Variants in CDH13 observed in about 807,000 individuals in gnomAD.
The protein encoded by CDH13 is cadherin 13.
In CDH13, 24 loss-of-function variants were observed where a neutral mutation model predicts 63.8. That is an observed-to-expected ratio of 0.38 (90% confidence interval 0.27 to 0.53). CDH13 has a LOEUF of 0.53. Ranked by LOEUF, CDH13 falls within the 20% of genes least tolerant of loss-of-function variation. The probability of loss-of-function intolerance (pLI) is 0.85; values close to 1 mark genes in which losing one functional copy is unlikely to be tolerated. For missense variants in CDH13, 1,049 were observed against 903.1 expected (o/e 1.16, Z -2.07); for synonymous variants, 503 against 355.3 (o/e 1.42, Z -4.67).
At chr16:83,028,310 A>G (rs1916003767) in intron 2 of CDH13, among the ~76,000 whole-genome samples, 1 of 152,266 alleles carries the variant, frequency 6.6e-6, no homozygotes, top group African/African-American at 2.4e-5. Context: ...TGGGCTACCA[A>G]CATGGTTAGA....
intron 7 of CDH13, among the ~76,000 whole-genome samples, chr16:83,509,534 T>C (rs900991710): frequency 5.9e-5 from 9 of 152,274 alleles, no homozygotes; most frequent in Non-Finnish European, 1.3e-4. Flanking sequence ...CAAAAGCAGA[T>C]GGTGGGCCAG....
At chr16:83,203,746 C>T (rs890428453) in intron 4 of CDH13, among the ~76,000 whole-genome samples, 2 of 151,738 alleles carry the variant, frequency 1.3e-5, no homozygotes, top group African/African-American at 2.4e-5. Context: ...TAACCTTTCC[C>T]TGGGAACAGT....
chr16:83,041,620 G>T (rs754557591), intron 3 of CDH13, among the ~76,000 whole-genome samples: 1 of 152,044 alleles, frequency 6.6e-6, no homozygotes, highest in Non-Finnish European at 1.5e-5. Flanking sequence ...GGAAAACCTG[G>T]AGCTAATTGC....
At chr16:83,415,588 C>T (rs1452119417) in intron 6 of CDH13, among the ~76,000 whole-genome samples, 2 of 152,090 alleles carry the variant, frequency 1.3e-5, no homozygotes, top group Non-Finnish European at 2.9e-5. Context: ...GCATGGGAGT[C>T]AGGAATTGTT....
In CDH13 at chr16:83,419,927, T is replaced by TA. The variant is rs60157875; in HGVS notation, c.782-66542dup. ...GAATCGTCCAATCTTTTTTTTTTTT[T>TA]AAAAAAAAGTTTTGTATGTATGTGT... is the stretch of plus-strand genomic sequence containing the variant. On this transcript the variant is annotated intron_variant, in intron 6 of 13. Coordinates refer to ENST00000567109, the MANE Select transcript of CDH13 (RefSeq NM_001257.5). Among the ~76,000 whole-genome samples the TA allele has an allele frequency of 3.3e-3, 486 of 148,030 alleles. 5 individuals are homozygous for TA. Among genetic ancestry groups the TA allele is most frequent in the South Asian group, 0.017 (78 of 4,620 alleles).
intron 8 of CDH13, among the ~76,000 whole-genome samples, chr16:83,633,977 A>C (rs1216805965): frequency 6.6e-6 from 1 of 152,178 alleles, no homozygotes; most frequent in African/African-American, 2.4e-5. Context: ...TGCCAGAAGC[A>C]CCTTGAACCC....
At chr16:83,162,167 G>C (rs2037475853) in intron 4 of CDH13, among the ~76,000 whole-genome samples, 1 of 152,152 alleles carries the variant, frequency 6.6e-6, no homozygotes, top group Non-Finnish European at 1.5e-5. Flanking sequence ...ACTGGAATCT[G>C]TTTTACAGAT....
At chr16:83,521,019 C>T (rs1050679299) in intron 7 of CDH13, among the ~76,000 whole-genome samples, 1 of 152,044 alleles carries the variant, frequency 6.6e-6, no homozygotes, top group Admixed American at 6.6e-5. Flanking sequence ...GTAATGTCTG[C>T]TATTTCTAAC....
At chr16:82,636,290 T>C (rs1908646705) in intron 1 of CDH13, among the ~76,000 whole-genome samples, 2 of 151,840 alleles carry the variant, frequency 1.3e-5, no homozygotes, top group Non-Finnish European at 2.9e-5. Flanking sequence ...GGCTTCTCTA[T>C]GTGGGAGTGT....
At chr16:82,818,582 A>G (rs888515244) in intron 1 of CDH13, among the ~76,000 whole-genome samples, 2 of 152,174 alleles carry the variant, frequency 1.3e-5, no homozygotes, top group Non-Finnish European at 2.9e-5. Context: ...GGGGAAGCAA[A>G]AAGATTTTGC....
At chr16:83,020,041 C>T (rs1271422415) in intron 2 of CDH13, among the ~76,000 whole-genome samples, 2 of 152,136 alleles carry the variant, frequency 1.3e-5, no homozygotes, top group Non-Finnish European at 2.9e-5. Flanking sequence ...GTTATGACAG[C>T]TACCTCACTA....
chr16:82,843,985 G>A (rs1240650581), intron 1 of CDH13, among the ~76,000 whole-genome samples: 1 of 152,202 alleles, frequency 6.6e-6, no homozygotes, highest in African/African-American at 2.4e-5. Context: ...TTGGACTACA[G>A]CTGTACTTAT....
intron 7 of CDH13, among the ~76,000 whole-genome samples, chr16:83,557,978 G>C (rs766996872): frequency 2.0e-5 from 3 of 152,100 alleles, no homozygotes; most frequent in Non-Finnish European, 4.4e-5. Flanking sequence ...TGCTTTTCTT[G>C]GTTGTTTGCT....
intron 1 of CDH13, among the ~76,000 whole-genome samples, chr16:82,778,486 G>A (rs981923653): frequency 1.4e-5 from 2 of 144,158 alleles, no homozygotes; most frequent in African/African-American, 5.2e-5. Flanking sequence ...TGGAATAGAA[G>A]GTTTTAAACT....
At chr16:83,031,208 T>C (rs1298746683) in intron 2 of CDH13, among the ~76,000 whole-genome samples, 1 of 146,950 alleles carries the variant, frequency 6.8e-6, no homozygotes, top group Non-Finnish European at 1.5e-5. Flanking sequence ...TGCGCATGTA[T>C]ACACCATATA....
chr16:82,836,516 A>C (rs1379371417), intron 1 of CDH13, among the ~76,000 whole-genome samples: 1 of 152,148 alleles, frequency 6.6e-6, no homozygotes, highest in African/African-American at 2.4e-5. Flanking sequence ...TGATATGCCA[A>C]AGTGGGTGTA....
chr16:82,641,582 A>G (rs1186030845), intron 1 of CDH13, among the ~76,000 whole-genome samples: 1 of 152,208 alleles, frequency 6.6e-6, no homozygotes. Context: ...GACATGTGAT[A>G]TATTCTCATT....
At chr16:82,677,204 C>G (rs571339899) in intron 1 of CDH13, among the ~76,000 whole-genome samples, 1 of 152,272 alleles carries the variant, frequency 6.6e-6, no homozygotes, top group South Asian at 2.1e-4. Context: ...ATGCATATTG[C>G]TCTCTGTACG....
At chr16:83,486,141 T>TAAAAAAAAAGAAAA (rs138896605) in intron 6 of CDH13, among the ~76,000 whole-genome samples, 42 of 150,706 alleles carry the variant, frequency 2.8e-4, no homozygotes, top group African/African-American at 9.8e-4. Flanking sequence ...AGACTCTGTC[T>TAAAAAAAAAGAAAA]AAAAAAATGA....
Sources: gnomAD v4.1 joint callset for allele counts (sites outside exome capture counted in the v4.1 genomes callset) on GRCh38, gnomAD v4.1.1 for gene constraint, MANE v1.5 for transcripts, NCBI Gene and HGNC (gene_info 2026-07-23, HGNC 2026-07-21) for gene names.